NRP1: variants seen among roughly 807,000 people sequenced by gnomAD.
The protein encoded by NRP1 is neuropilin 1.
A neutral mutation model predicts 106.7 loss-of-function variants in NRP1; 35 were observed. The observed-to-expected ratio is 0.33, with a 90% CI of 0.25 to 0.43. The LOEUF is 0.43. NRP1 is among the 20% of genes least tolerant of loss of function. The pLI is 1.00. For missense variants in NRP1, 1,024 were observed against 1,170.4 expected, an observed-to-expected ratio of 0.87 and a Z score of 1.83; for synonymous variants, 437 against 417.9, an observed-to-expected ratio of 1.05 and a Z score of -0.56.
At chr10:33,236,056 C>A (rs1448364507) in intron 6 of NRP1, among the ~76,000 whole-genome samples, 1 of 152,110 alleles carries the variant, frequency 6.6e-6, no homozygotes, top group African/African-American at 2.4e-5. Context: ...GGACTTAATA[C>A]TTTTAATTAA....
At chr10:33,202,676 C>T in intron 11 of NRP1, 2 of 1,546,188 alleles carry the variant, frequency 1.3e-6, no homozygotes, top group Middle Eastern at 1.7e-4. Flanking sequence ...CGAAATGGCT[C>T]AAATTATTGT....
intron 2 of NRP1, among the ~76,000 whole-genome samples, chr10:33,272,336 G>A (rs770817470): frequency 3.9e-5 from 6 of 152,206 alleles, no homozygotes; most frequent in Non-Finnish European, 8.8e-5. Flanking sequence ...TGTATTAACT[G>A]CATTTCCTCT....
chr10:33,199,367 CTA>C (rs1413431395), intron 11 of NRP1, among the ~76,000 whole-genome samples: 696 of 54,258 alleles, frequency 0.013, 24 homozygotes, highest in African/African-American at 0.028. Flanking sequence ...TGGCTGTTTT[CTA>C]TATATATATA....
chr10:33,272,262 G>A (rs1843360316), intron 2 of NRP1, among the ~76,000 whole-genome samples: 1 of 152,178 alleles, frequency 6.6e-6, no homozygotes, highest in African/African-American at 2.4e-5. Context: ...TGCCAGCTTT[G>A]TGTATATCAA....
intron 8 of NRP1, among the ~76,000 whole-genome samples, chr10:33,217,364 A>G (rs1838863963): frequency 6.8e-6 from 1 of 146,746 alleles, no homozygotes; most frequent in Non-Finnish European, 1.5e-5. Flanking sequence ...TTCCTTCCAT[A>G]TAGCTGCCTC....
At chr10:33,294,613 G>T (rs917095845) in intron 2 of NRP1, among the ~76,000 whole-genome samples, 1 of 99,376 alleles carries the variant, frequency 1.0e-5, no homozygotes, top group Non-Finnish European at 2.3e-5. Flanking sequence ...GTGAAACTCC[G>T]TCTCAAAAAA....
intron 4 of NRP1, among the ~76,000 whole-genome samples, chr10:33,263,361 G>T (rs1021197172): frequency 7.2e-5 from 11 of 152,152 alleles, no homozygotes; most frequent in Admixed American, 5.2e-4. Flanking sequence ...GAAAAACTAT[G>T]TGTTTGTCTC....
intron 9 of NRP1, 190 bp downstream of exon 9, chr10:33,213,196 A>G: frequency 1.4e-6 from 2 of 1,461,808 alleles, no homozygotes; most frequent in Non-Finnish European, 1.8e-6. Context: ...TTTGCATGTT[A>G]TCTCAGACAT....
chr10:33,309,230 A>G (rs1267677287), intron 2 of NRP1, among the ~76,000 whole-genome samples: 3 of 152,194 alleles, frequency 2.0e-5, no homozygotes, highest in Non-Finnish European at 4.4e-5. Context: ...TGTACTACAG[A>G]TGGCCACTAC....
chr10:33,185,273 A>G (rs1208818489), intron 15 of NRP1, among the ~76,000 whole-genome samples: 1 of 152,220 alleles, frequency 6.6e-6, no homozygotes, highest in Admixed American at 6.5e-5. Flanking sequence ...ATACACCCAG[A>G]TATTTGGAAT....
At position 33,183,391 on chromosome 10, in the gene NRP1, G is replaced by A. The variant is rs73257910; in HGVS notation, c.2432-643C>T. Among the ~76,000 whole-genome samples the A allele has an allele frequency of 6.0e-3, 902 of 151,512 alleles. 12 individuals carry two copies. The highest frequency in any genetic ancestry group is 0.021 in the African/African-American group (858 of 41,318). ...GAGACATGGTTTTGGCATCTGAAAT[G>A]TGGAAAAAAATCTGGTGAATATAGG... On this transcript the variant is annotated intron_variant, in intron 15 of 16. Transcript: ENST00000374867.
chr10:33,297,886 A>G (rs1216892303), intron 2 of NRP1, among the ~76,000 whole-genome samples: 2 of 151,498 alleles, frequency 1.3e-5, no homozygotes, highest in Admixed American at 6.6e-5. Context: ...CTCCTGCCCT[A>G]TGAAAACCAG....
At chr10:33,318,900 G>A (rs11492493) in intron 2 of NRP1, among the ~76,000 whole-genome samples, 19,717 of 151,438 alleles carry the variant, frequency 0.13, 1,629 homozygotes, top group East Asian at 0.28. Flanking sequence ...CGTCAGGCTT[G>A]GCAGCCTGTT....
chr10:33,219,297 C>T (rs960916401), intron 8 of NRP1, among the ~76,000 whole-genome samples: 2 of 152,198 alleles, frequency 1.3e-5, no homozygotes, highest in African/African-American at 4.8e-5. Flanking sequence ...AATGTCTTAT[C>T]CATGGTCCGT....
At chr10:33,276,055 A>T (rs372127893) in intron 2 of NRP1, among the ~76,000 whole-genome samples, 1 of 152,172 alleles carries the variant, frequency 6.6e-6, no homozygotes, top group African/African-American at 2.4e-5. Flanking sequence ...ATGCAGAAAA[A>T]ATCTAGACGG....
At chr10:33,192,257 C>A (rs1185019230) in intron 13 of NRP1, 24 bp downstream of exon 13, 2 of 1,600,174 alleles carry the variant, frequency 1.2e-6, no homozygotes, top group Non-Finnish European at 1.7e-6. Flanking sequence ...CAAAGCCATG[C>A]AGCCGAAGTG....
chr10:33,313,992 T>G (rs1846812010), intron 2 of NRP1, among the ~76,000 whole-genome samples: 1 of 146,098 alleles, frequency 6.8e-6, no homozygotes, highest in African/African-American at 2.5e-5. Context: ...TTTCCCTCCC[T>G]CCCTCCTTTC....
intron 13 of NRP1, among the ~76,000 whole-genome samples, chr10:33,191,977 C>CAA (rs58214479): frequency 8.2e-4 from 59 of 71,596 alleles, no homozygotes; most frequent in African/African-American, 1.8e-3. Flanking sequence ...GACTCCATTT[C>CAA]AAAAAAAAAA....
chr10:33,185,740 C>T lies in NRP1; in HGVS notation c.2335-16G>A, dbSNP rs1263870914. ...CGAAAATCACCTAACAAAATAAGAT[C>T]ATTTTCACAGTATTGAAATGCTCAT... On this transcript the variant is annotated splice_polypyrimidine_tract_variant and intron_variant, in intron 14 of 16. Transcript: ENST00000374867. 1 of 1,601,712 alleles carries T rather than the reference C, an allele frequency of 6.2e-7. No homozygotes were observed. Among genetic ancestry groups the T allele is most frequent in the African/African-American group, 1.3e-5 (1 of 74,712 alleles).
Sources: gnomAD v4.1 joint callset for allele counts (sites outside exome capture counted in the v4.1 genomes callset) on GRCh38, gnomAD v4.1.1 for gene constraint, MANE v1.5 for transcripts, NCBI Gene and HGNC (gene_info 2026-07-23, HGNC 2026-07-21) for gene names.